BBX: variants seen among roughly 807,000 people sequenced by gnomAD.
BBX encodes HMG box transcription factor BBX.
Under a neutral mutation model 100.2 loss-of-function variants are expected in BBX, and 30 were observed. The observed-to-expected ratio is 0.30, with a 90% CI of 0.22 to 0.41. The LOEUF is 0.41. Among genes scored for constraint, BBX ranks in the 10% least tolerant of loss-of-function variants. BBX has a pLI of 1.00. For missense variants in BBX, 1,023 were observed against 1,129.8 expected (o/e 0.91, Z 1.35); for synonymous variants, 376 against 388.1 (o/e 0.97, Z 0.37).
intron 2 of BBX, among the ~76,000 whole-genome samples, chr3:107,550,655 T>C (rs2049591435): frequency 6.6e-6 from 1 of 152,162 alleles, no homozygotes; most frequent in Admixed American, 6.5e-5. Flanking sequence ...AAATGTATCT[T>C]CTAAGTAAGA....
chr3:107,558,175 T>A (rs1031238027), intron 2 of BBX, among the ~76,000 whole-genome samples: 4 of 152,188 alleles, frequency 2.6e-5, no homozygotes, highest in Non-Finnish European at 5.9e-5. Context: ...GAATGGCACC[T>A]TAGAGTTGTC....
At chr3:107,528,129 A>C (rs1453469822) in intron 2 of BBX, among the ~76,000 whole-genome samples, 1 of 152,212 alleles carries the variant, frequency 6.6e-6, no homozygotes, top group East Asian at 1.9e-4. Flanking sequence ...GATAGTGTAA[A>C]TCTTGTAATA....
intron 2 of BBX, among the ~76,000 whole-genome samples, chr3:107,535,289 A>C (rs2048411812): frequency 6.6e-6 from 1 of 152,170 alleles, no homozygotes; most frequent in Admixed American, 6.5e-5. Context: ...TCAAGTAATA[A>C]GGTTGAAACT....
chr3:107,670,632 A>T (rs1264067678), intron 3 of BBX, among the ~76,000 whole-genome samples: 1 of 152,150 alleles, frequency 6.6e-6, no homozygotes, highest in African/African-American at 2.4e-5. Context: ...AGAAGAGTTT[A>T]GGTTACTTTA....
At chr3:107,734,424 G>C (rs1194589589) in intron 7 of BBX, among the ~76,000 whole-genome samples, 1 of 152,156 alleles carries the variant, frequency 6.6e-6, no homozygotes, top group Non-Finnish European at 1.5e-5. Flanking sequence ...TAACATAATA[G>C]CATTGTCAGG....
At chr3:107,582,258 A>C (rs997331730) in intron 2 of BBX, among the ~76,000 whole-genome samples, 1 of 151,892 alleles carries the variant, frequency 6.6e-6, no homozygotes, top group Non-Finnish European at 1.5e-5. Context: ...TTTACCTTAA[A>C]CATTTTTAGC....
chr3:107,798,621 C>A lies in BBX; in HGVS notation c.2452C>A (p.Pro818Thr). 1 of 1,614,064 alleles carries A rather than the reference C, an allele frequency of 6.2e-7. No homozygotes were observed. Among genetic ancestry groups the A allele is most frequent in the Non-Finnish European group, 8.5e-7 (1 of 1,180,010 alleles). ...TCCAGAGCCAACAACAACGCAAGAA[C>A]CTTTGGTGGGCAGCCAAAAGAGAAA... is the stretch of plus-strand genomic sequence containing the variant. ...NTPEPTTTQE[P>T]LVGSQKRKAR... The change falls in exon 16 of 18, where the codon CCT becomes ACT. Residue 818 changes from proline to threonine, a missense_variant. By Grantham distance (38) the Pro-to-Thr change is conservative. Coordinates refer to ENST00000325805, the MANE Select transcript of BBX (RefSeq NM_001142568.3).
intron 3 of BBX, among the ~76,000 whole-genome samples, chr3:107,705,771 C>G (rs1365958228): frequency 1.3e-5 from 2 of 152,162 alleles, no homozygotes; most frequent in Non-Finnish European, 2.9e-5. Flanking sequence ...TACATGTGTT[C>G]TCACAGTAGA....
At chr3:107,770,093 T>C (rs2066778787) in intron 10 of BBX, among the ~76,000 whole-genome samples, 1 of 152,178 alleles carries the variant, frequency 6.6e-6, no homozygotes. Context: ...CAAGAAATAT[T>C]GTGCTATTTC....
chr3:107,577,265 T>G (rs1422792004), intron 2 of BBX, among the ~76,000 whole-genome samples: 1 of 152,202 alleles, frequency 6.6e-6, no homozygotes, highest in African/African-American at 2.4e-5. Context: ...CCTGCTCTTC[T>G]CTAAAGAGGA....
intron 2 of BBX, among the ~76,000 whole-genome samples, chr3:107,583,970 ATAT>A (rs1167366203): frequency 1.3e-4 from 12 of 89,262 alleles, no homozygotes; most frequent in South Asian, 5.1e-4. Flanking sequence ...TATATTATAT[ATAT>A]TATTATATTA....
chr3:107,617,543 A>G (rs2055389239), intron 2 of BBX, among the ~76,000 whole-genome samples: 1 of 151,394 alleles, frequency 6.6e-6, no homozygotes, highest in South Asian at 2.1e-4. Context: ...ATCTCCCTTG[A>G]TTTTTTTTCC....
At chr3:107,574,419 A>G (rs114090084) in intron 2 of BBX, among the ~76,000 whole-genome samples, 79 of 152,298 alleles carry the variant, frequency 5.2e-4, no homozygotes, top group Admixed American at 1.4e-3. Flanking sequence ...GAGAAATGTA[A>G]TTTCAGGGAA....
intron 1 of BBX, chr3:107,523,962 AGGGGAGAGAGAAGAGGGAGGGAAGGGG>A (rs2047553963): frequency 7.5e-6 from 1 of 133,600 alleles, no homozygotes; most frequent in Non-Finnish European, 1.6e-5. Context: ...GCGAGGGAGA[AGGGGAGAGAGAAGAGGGAGGGAAGGGG>A]GGGGAGAGAG....
Position 107,805,658 on chromosome 3 carries a change from A to G in BBX, c.*201A>G. 1 of 972,606 alleles carries G rather than the reference A, an allele frequency of 1.0e-6. No homozygotes were observed. Among genetic ancestry groups the G allele is most frequent in the Non-Finnish European group, 1.5e-6 (1 of 669,156 alleles). The allele number at this position is 972,606 out of a possible 1,614,324, so 60.2% of individuals were successfully genotyped here. Reference sequence around the variant, plus strand: ...TCAGAACCCAGAATCTTTGAGGGTAAGGTTATCTGTCTGATACTGAGCAGA... The same window carrying G: ...TCAGAACCCAGAATCTTTGAGGGTAGGGTTATCTGTCTGATACTGAGCAGA... On this transcript the variant is annotated 3_prime_UTR_variant, in exon 18 of 18. Coordinates refer to ENST00000325805, the MANE Select transcript of BBX (RefSeq NM_001142568.3).
chr3:107,672,878 C>G (rs1251350399), intron 3 of BBX, among the ~76,000 whole-genome samples: 4 of 151,948 alleles, frequency 2.6e-5, no homozygotes, highest in African/African-American at 7.2e-5. Context: ...ATTAAATAAA[C>G]TTTTGTTGGC....
intron 7 of BBX, among the ~76,000 whole-genome samples, chr3:107,734,126 T>C (rs1402420501): frequency 6.6e-6 from 1 of 152,212 alleles, no homozygotes; most frequent in Non-Finnish European, 1.5e-5. Context: ...ATACATATTA[T>C]ACTTGAAGGC....
At chr3:107,784,334 A>G (rs904913772) in intron 13 of BBX, among the ~76,000 whole-genome samples, 1 of 151,960 alleles carries the variant, frequency 6.6e-6, no homozygotes, top group African/African-American at 2.4e-5. Context: ...AGAACTCTCC[A>G]CTCAGTAATG....
chr3:107,708,891 G>T (rs2061549980), intron 3 of BBX, among the ~76,000 whole-genome samples: 1 of 152,054 alleles, frequency 6.6e-6, no homozygotes, highest in South Asian at 2.1e-4. Flanking sequence ...GATATATGCA[G>T]CTTAAATTTT....
Sources: gnomAD v4.1 joint callset for allele counts (sites outside exome capture counted in the v4.1 genomes callset) on GRCh38, gnomAD v4.1.1 for gene constraint, MANE v1.5 for transcripts, NCBI Gene and HGNC (gene_info 2026-07-23, HGNC 2026-07-21) for gene names.